FRMD5: variants seen among roughly 807,000 people sequenced by gnomAD.
The protein encoded by FRMD5 is FERM domain containing 5.
A neutral mutation model predicts 69.0 loss-of-function variants in FRMD5; 20 were observed. That is an observed-to-expected ratio of 0.29 (90% CI 0.20 to 0.42). The LOEUF (loss-of-function observed/expected upper bound fraction) is 0.42, where lower values mean the gene tolerates loss of function less well. Ranked by LOEUF, FRMD5 falls within the 10% of genes least tolerant of loss-of-function variation. FRMD5 has a pLI of 1.00. For synonymous variants in FRMD5, 271 were observed against 260.1 expected (o/e 1.04, Z -0.40); for missense variants, 595 against 708.6 (o/e 0.84, Z 1.82).
chr15:44,087,661 C>A (rs1217477267), intron 1 of FRMD5, among the ~76,000 whole-genome samples: 1 of 152,064 alleles, frequency 6.6e-6, no homozygotes, highest in African/African-American at 2.4e-5. Context: ...GATATACATA[C>A]ACATATTTAT....
intron 1 of FRMD5, among the ~76,000 whole-genome samples, chr15:44,178,888 C>T (rs973811750): frequency 2.0e-5 from 3 of 151,862 alleles, no homozygotes; most frequent in African/African-American, 2.4e-5. Flanking sequence ...GCTACTTGGG[C>T]GGCTGAGGGA....
intron 1 of FRMD5, among the ~76,000 whole-genome samples, chr15:44,008,075 G>A (rs1801947453): frequency 6.7e-6 from 1 of 148,324 alleles, no homozygotes; most frequent in African/African-American, 2.5e-5. Flanking sequence ...CTGAGTAGGT[G>A]GGGACAATCG....
chr15:43,969,307 C>T (rs545160633), intron 1 of FRMD5, among the ~76,000 whole-genome samples: 1 of 152,200 alleles, frequency 6.6e-6, no homozygotes, highest in South Asian at 2.1e-4. Flanking sequence ...GTCTCACACT[C>T]CTGGGCTCAA....
chr15:43,942,294 C>CA (rs1948508904), intron 1 of FRMD5, among the ~76,000 whole-genome samples: 1 of 152,204 alleles, frequency 6.6e-6, no homozygotes. Flanking sequence ...ATGATGGCCT[C>CA]AAAGACAAGA....
intron 1 of FRMD5, among the ~76,000 whole-genome samples, chr15:43,947,206 G>A (rs2089961166): frequency 6.6e-6 from 1 of 152,078 alleles, no homozygotes; most frequent in African/African-American, 2.4e-5. Flanking sequence ...TTCACTTTTA[G>A]CCAGCATTAC....
intron 1 of FRMD5, among the ~76,000 whole-genome samples, chr15:44,143,885 C>T (rs1328091926): frequency 3.7e-5 from 5 of 133,870 alleles, no homozygotes; most frequent in African/African-American, 1.3e-4. Context: ...GATCATGCCA[C>T]TGCACGCCAG....
chr15:44,060,078 A>G lies in FRMD5; in HGVS notation c.102+134875T>C, dbSNP rs77437597. Among the ~76,000 whole-genome samples, 640 of 152,346 alleles carry G rather than the reference A, an allele frequency of 4.2e-3. 4 individuals are homozygous for G. The highest frequency in any genetic ancestry group is 0.015 in the African/African-American group (618 of 41,594). Reference sequence around the variant, plus strand: ...AAGAAGGTAAGTGGAGAGAGCTGTCAGATAGAACAGAGATTAGAAGCAGAA... The same window carrying G: ...AAGAAGGTAAGTGGAGAGAGCTGTCGGATAGAACAGAGATTAGAAGCAGAA... On this transcript the variant is annotated intron_variant, in intron 1 of 13. Coordinates refer to ENST00000417257, the MANE Select transcript of FRMD5 (RefSeq NM_032892.5).
intron 1 of FRMD5, among the ~76,000 whole-genome samples, chr15:44,043,089 A>G (rs1037652487): frequency 6.6e-6 from 1 of 152,242 alleles, no homozygotes; most frequent in Non-Finnish European, 1.5e-5. Context: ...GTCTCAGGAT[A>G]AAAAATTAAT....
At chr15:43,920,138 G>A (rs1008920699) in intron 2 of FRMD5, among the ~76,000 whole-genome samples, 7 of 152,240 alleles carry the variant, frequency 4.6e-5, no homozygotes, top group South Asian at 2.1e-4. Flanking sequence ...TATGTGTGGC[G>A]GGGACAGAGC....
intron 1 of FRMD5, among the ~76,000 whole-genome samples, chr15:43,976,714 T>A (rs1047542168): frequency 6.6e-6 from 1 of 152,224 alleles, no homozygotes; most frequent in East Asian, 1.9e-4. Context: ...TCGCCCAAGC[T>A]GGAGTGCAAT....
At chr15:43,902,913 TCTTC>T (rs1033255979) in intron 6 of FRMD5, among the ~76,000 whole-genome samples, 1 of 152,214 alleles carries the variant, frequency 6.6e-6, no homozygotes, top group Admixed American at 6.5e-5. Context: ...CACCCAGCCC[TCTTC>T]CTTTGCCAAA....
At chr15:43,932,573 A>G (rs191633135) in intron 1 of FRMD5, among the ~76,000 whole-genome samples, 3 of 152,366 alleles carry the variant, frequency 2.0e-5, no homozygotes, top group Admixed American at 1.3e-4. Context: ...CACAATTCCA[A>G]TAGACACTAT....
At chr15:43,984,633 A>G (rs1471507523) in intron 1 of FRMD5, among the ~76,000 whole-genome samples, 2 of 152,242 alleles carry the variant, frequency 1.3e-5, no homozygotes, top group Non-Finnish European at 2.9e-5. Flanking sequence ...AGAGTTTGAA[A>G]AAGATGATGA....
intron 4 of FRMD5, 197 bp downstream of exon 4, chr15:43,919,262 C>T: frequency 1.4e-6 from 1 of 729,396 alleles, no homozygotes; most frequent in Admixed American, 1.9e-5. Flanking sequence ...GGAAAGAAGT[C>T]CACTCTGTTG....
chr15:43,948,930 C>T (rs2089986357), intron 1 of FRMD5, among the ~76,000 whole-genome samples: 1 of 152,230 alleles, frequency 6.6e-6, no homozygotes, highest in Non-Finnish European at 1.5e-5. Context: ...AGTCAACCAC[C>T]TTAGTTTCTC....
chr15:43,900,060 G>A (rs2089007751), intron 7 of FRMD5, among the ~76,000 whole-genome samples: 1 of 152,160 alleles, frequency 6.6e-6, no homozygotes, highest in Non-Finnish European at 1.5e-5. Context: ...CAAACGCAGA[G>A]GTAACCTGGC....
intron 1 of FRMD5, among the ~76,000 whole-genome samples, chr15:43,933,175 C>T (rs916189813): frequency 6.6e-6 from 1 of 152,104 alleles, no homozygotes; most frequent in Non-Finnish European, 1.5e-5. Flanking sequence ...GTACAAATAC[C>T]GAGGCCTAGG....
intron 1 of FRMD5, among the ~76,000 whole-genome samples, chr15:43,970,000 G>A (rs1430679646): frequency 6.6e-6 from 1 of 152,170 alleles, no homozygotes; most frequent in African/African-American, 2.4e-5. Context: ...AGAGTGTTCT[G>A]GCTGAGACAC....
intron 1 of FRMD5, among the ~76,000 whole-genome samples, chr15:44,054,046 T>C (rs1029386288): frequency 6.6e-6 from 1 of 152,344 alleles, no homozygotes; most frequent in African/African-American, 2.4e-5. Context: ...ATTGAAATTG[T>C]GCATTTTATA....
Sources: gnomAD v4.1 joint callset for allele counts (sites outside exome capture counted in the v4.1 genomes callset) on GRCh38, gnomAD v4.1.1 for gene constraint, MANE v1.5 for transcripts, NCBI Gene and HGNC (gene_info 2026-07-23, HGNC 2026-07-21) for gene names.